OXR1: variants seen among roughly 807,000 people sequenced by gnomAD.
OXR1 encodes the protein oxidation resistance 1.
In OXR1, 41 loss-of-function variants were observed where a neutral mutation model predicts 104.6. The ratio of observed to expected loss-of-function variants is 0.39; its 90% CI spans 0.31 to 0.51. The LOEUF (loss-of-function observed/expected upper bound fraction) is 0.51. Among genes scored for constraint, OXR1 ranks in the 20% least tolerant of loss-of-function variants. OXR1 has a pLI of 0.77. For synonymous variants in OXR1, 348 were observed against 348.4 expected (o/e 1.00, Z 0.01); for missense variants, 955 against 1,031.9 (o/e 0.93, Z 1.02).
At chr8:106,640,729 T>C (rs980425600) in intron 3 of OXR1, among the ~76,000 whole-genome samples, 53 of 152,312 alleles carry the variant, frequency 3.5e-4, no homozygotes, top group African/African-American at 1.3e-3. Context: ...AAATTACATC[T>C]GAGAAAGACA....
intron 11 of OXR1, chr8:106,720,784 T>A: frequency 1.5e-6 from 1 of 667,532 alleles, no homozygotes; most frequent in Non-Finnish European, 1.9e-6. Context: ...TTCAACTTTG[T>A]CCATCAAATA....
At chr8:106,746,391 T>C (rs937805394) in intron 16 of OXR1, among the ~76,000 whole-genome samples, 1 of 152,242 alleles carries the variant, frequency 6.6e-6, no homozygotes, top group Non-Finnish European at 1.5e-5. Flanking sequence ...GCTTTGTTTT[T>C]TATTTGGTAT....
chr8:106,691,630 A>G (rs1829293200), intron 6 of OXR1, among the ~76,000 whole-genome samples: 1 of 147,942 alleles, frequency 6.8e-6, no homozygotes, highest in South Asian at 2.1e-4. Context: ...ATATATATAT[A>G]TATATATATA....
chr8:106,643,562 C>T (rs1326171414), intron 3 of OXR1, among the ~76,000 whole-genome samples: 1 of 152,104 alleles, frequency 6.6e-6, no homozygotes, highest in Non-Finnish European at 1.5e-5. Flanking sequence ...AAAGCTACAT[C>T]TCAATACATA....
intron 1 of OXR1, among the ~76,000 whole-genome samples, chr8:106,334,868 C>A (rs1237906964): frequency 6.6e-6 from 1 of 152,204 alleles, no homozygotes; most frequent in Non-Finnish European, 1.5e-5. Context: ...TCATCTCACA[C>A]CATCCTACTA....
At chr8:106,537,644 C>A (rs1160089231) in intron 3 of OXR1, among the ~76,000 whole-genome samples, 1 of 151,542 alleles carries the variant, frequency 6.6e-6, no homozygotes, top group East Asian at 1.9e-4. Context: ...AAGAAACCTG[C>A]ACATTGTGCA....
intron 3 of OXR1, among the ~76,000 whole-genome samples, chr8:106,595,865 A>G (rs1327776302): frequency 1.3e-5 from 2 of 152,164 alleles, no homozygotes. Context: ...TGGAATCTGT[A>G]GCATGTCTAG....
At chr8:106,610,002 A>G (rs1162818639) in intron 3 of OXR1, among the ~76,000 whole-genome samples, 6 of 152,198 alleles carry the variant, frequency 3.9e-5, no homozygotes, top group African/African-American at 1.4e-4. Flanking sequence ...TTAAATTTCT[A>G]GCCCAGAAGA....
At chr8:106,620,878 G>A (rs1821643694) in intron 3 of OXR1, among the ~76,000 whole-genome samples, 1 of 152,106 alleles carries the variant, frequency 6.6e-6, no homozygotes, top group Non-Finnish European at 1.5e-5. Flanking sequence ...AAGCCATGAA[G>A]TACTGTTAAA....
intron 2 of OXR1, among the ~76,000 whole-genome samples, chr8:106,451,995 T>A (rs1474989155): frequency 6.6e-6 from 1 of 152,148 alleles, no homozygotes. Flanking sequence ...AGCGGGAGCA[T>A]ATTTGACTAA....
chr8:106,558,496 A>G (rs1816447352), intron 3 of OXR1, among the ~76,000 whole-genome samples: 1 of 152,180 alleles, frequency 6.6e-6, no homozygotes, highest in Admixed American at 6.5e-5. Context: ...GGCAGCAGCT[A>G]TATATTAGCC....
chr8:106,301,914 T>C (rs140279213), intron 1 of OXR1, among the ~76,000 whole-genome samples: 4 of 152,324 alleles, frequency 2.6e-5, no homozygotes, highest in East Asian at 1.9e-4. Context: ...AAATAAAATG[T>C]AGTCTTGACC....
At chr8:106,434,621 T>G (rs1272545483) in intron 2 of OXR1, among the ~76,000 whole-genome samples, 2 of 152,228 alleles carry the variant, frequency 1.3e-5, no homozygotes, top group African/African-American at 4.8e-5. Flanking sequence ...CAAATTATTC[T>G]GAGAGACAAA....
chr8:106,316,713 CTATCATCTATCTATCT>C (rs1186706866), intron 1 of OXR1, among the ~76,000 whole-genome samples: 5,350 of 113,902 alleles, frequency 0.047, 323 homozygotes, highest in African/African-American at 0.14. Flanking sequence ...ATCTATCTAT[CTATCATCTATCTATCT>C]ATCTATCTAT....
intron 1 of OXR1, among the ~76,000 whole-genome samples, chr8:106,283,493 G>T (rs530822646): frequency 6.3e-4 from 96 of 152,254 alleles, no homozygotes; most frequent in African/African-American, 2.3e-3. Context: ...GGCAGGCTGG[G>T]TATGACTTAA....
chr8:106,528,478 T>G (rs1398166848), intron 3 of OXR1, among the ~76,000 whole-genome samples: 1 of 152,164 alleles, frequency 6.6e-6, no homozygotes, highest in Non-Finnish European at 1.5e-5. Flanking sequence ...TGCTTACATA[T>G]TGAAAAGAGA....
chr8:106,586,545 G>C (rs1167281885), intron 3 of OXR1, among the ~76,000 whole-genome samples: 1 of 152,190 alleles, frequency 6.6e-6, no homozygotes, highest in East Asian at 1.9e-4. Context: ...TTTGAATGTG[G>C]AGTTTGGGGG....
intron 3 of OXR1, among the ~76,000 whole-genome samples, chr8:106,620,847 A>T (rs1325366547): frequency 6.6e-6 from 1 of 152,218 alleles, no homozygotes; most frequent in East Asian, 1.9e-4. Context: ...TGAAAATGAA[A>T]TGTGTATGAC....
Position 106,703,001 on chromosome 8 carries a change from A to T in OXR1, c.771A>T (p.Glu257Asp). The change falls in exon 8 of 17, where the codon GAA (glutamate) becomes GAT (aspartate). Residue 257 changes from glutamate (E) to aspartate (D), a missense_variant. Physicochemically the swap from Glu to Asp is conservative, Grantham distance 45. Coordinates refer to ENST00000517566, the MANE Select transcript of OXR1 (RefSeq NM_001198533.2). ...DPLVQENGCE[E>D]YGIMCPMEEV... The stretch of plus-strand genomic sequence containing the variant: ...TGGTTCAAGAGAATGGCTGTGAGGA[A>T]TATGGCATCATGTGTCCAATGGAAG... 1 of 1,613,728 alleles carries T rather than the reference A, an allele frequency of 6.2e-7. No individual in the cohort carries two copies. Among genetic ancestry groups the T allele is most frequent in the East Asian group, 2.2e-5 (1 of 44,854 alleles).
Sources: gnomAD v4.1 joint callset for allele counts (sites outside exome capture counted in the v4.1 genomes callset) on GRCh38, gnomAD v4.1.1 for gene constraint, MANE v1.5 for transcripts, NCBI Gene and HGNC (gene_info 2026-07-23, HGNC 2026-07-21) for gene names.